GIGYF2: variants seen among roughly 807,000 people sequenced by gnomAD.
GIGYF2 encodes the protein GRB10 interacting GYF protein 2, also known as GRB10-interacting GYF protein 2.
In GIGYF2, 25 loss-of-function variants were observed where a neutral mutation model predicts 208.1. The observed-to-expected ratio is 0.12, with a 90% CI of 0.09 to 0.17. GIGYF2 has a LOEUF of 0.17. Ranked by LOEUF, GIGYF2 falls within the 10% of genes least tolerant of loss-of-function variation. The pLI is 1.00. For missense variants in GIGYF2, 1,302 were observed against 1,579.4 expected, an observed-to-expected ratio of 0.82 and a Z score of 2.98; for synonymous variants, 534 against 543.8, an observed-to-expected ratio of 0.98 and a Z score of 0.25.
chr2:232,761,465 TA>T, intron 8 of GIGYF2, 29 bp downstream of exon 8: 1 of 1,404,124 alleles, frequency 7.1e-7, no homozygotes. Flanking sequence ...CACATAAGGA[TA>T]AATTTATTAA....
intron 23 of GIGYF2, among the ~76,000 whole-genome samples, chr2:232,841,444 T>TG (rs1454416070): frequency 1.4e-5 from 2 of 147,552 alleles, no homozygotes; most frequent in African/African-American, 2.5e-5. Flanking sequence ...TACAGGCACT[T>TG]GCCACCACCA....
chr2:232,838,797 TA>T (rs1170656471), intron 22 of GIGYF2, among the ~76,000 whole-genome samples: 1 of 152,104 alleles, frequency 6.6e-6, no homozygotes, highest in Non-Finnish European at 1.5e-5. Context: ...CAGTCTTTGT[TA>T]ACTTCCCTCT....
chr2:232,737,625 C>T (rs1420889832), intron 3 of GIGYF2, among the ~76,000 whole-genome samples: 1 of 152,086 alleles, frequency 6.6e-6, no homozygotes, highest in African/African-American at 2.4e-5. Context: ...TCACGTATGA[C>T]GTTCTTTGTG....
Position 232,806,302 on chromosome 2 carries a change from A to G in GIGYF2, c.1640-189A>G, listed in dbSNP as rs1212046558. 6.6e-6 allele frequency among the ~76,000 whole-genome samples: 1 copy of G among 152,232 alleles called. No homozygotes were observed. Among genetic ancestry groups the G allele is most frequent in the Non-Finnish European group, 1.5e-5 (1 of 68,038 alleles). ...CTGATAATTTGGGATGTATAAACAC[A>G]GACTTTATTTAAAAATTATTTTAGT... On this transcript the variant is annotated intron_variant, in intron 14 of 28. Coordinates refer to ENST00000373563, the MANE Select transcript of GIGYF2 (RefSeq NM_001103146.3). This position sits in a 1 kb window ranked among gnomAD's most constrained non-coding sequence, Gnocchi z 4.0.
intron 6 of GIGYF2, among the ~76,000 whole-genome samples, chr2:232,757,546 A>G (rs893945409): frequency 6.6e-6 from 1 of 152,088 alleles, no homozygotes; most frequent in African/African-American, 2.4e-5. Flanking sequence ...TCTTGGTGGC[A>G]TGGTGGTGGT....
At chr2:232,843,145 GT>G (rs1701874539) in intron 23 of GIGYF2, 1 of 108,884 alleles carries the variant, frequency 9.2e-6, no homozygotes, top group Non-Finnish European at 1.9e-5. Flanking sequence ...GTGTGTGTGT[GT>G]GTGTGTGTGT....
intron 5 of GIGYF2, 77 bp from the exon 6 acceptor site, chr2:232,756,144 CAT>C (rs1221745323): frequency 2.5e-6 from 2 of 790,560 alleles, no homozygotes; most frequent in Admixed American, 2.5e-5. Context: ...GGAGAAGCAA[CAT>C]GTAGTTTTAT....
chr2:232,730,045 C>G (rs556563575), intron 2 of GIGYF2: 2 of 884,016 alleles, frequency 2.3e-6, no homozygotes, highest in East Asian at 4.8e-5. Flanking sequence ...CAACGAAGGG[C>G]ATAACACAAG....
At chr2:232,747,448 C>T (rs144604633) in intron 3 of GIGYF2, among the ~76,000 whole-genome samples, 167 bp from the exon 4 acceptor site, 46 of 152,218 alleles carry the variant, frequency 3.0e-4, no homozygotes, top group Middle Eastern at 6.8e-3. Context: ...GCCCTTTTAG[C>T]GTGCCATGAC....
At chr2:232,794,506 T>C (rs1199576698) in intron 12 of GIGYF2, among the ~76,000 whole-genome samples, 1 of 152,186 alleles carries the variant, frequency 6.6e-6, no homozygotes, top group Non-Finnish European at 1.5e-5. Flanking sequence ...GTGACACAGG[T>C]AAGCCCTGGA....
chr2:232,774,662 A>C (rs993272462), intron 8 of GIGYF2, among the ~76,000 whole-genome samples: 2 of 152,198 alleles, frequency 1.3e-5, no homozygotes, highest in Non-Finnish European at 1.5e-5. Flanking sequence ...GTCATTCTCC[A>C]CTGTTGTTGC....
intron 12 of GIGYF2, among the ~76,000 whole-genome samples, chr2:232,793,212 A>G (rs1358250910): frequency 6.6e-6 from 1 of 152,126 alleles, no homozygotes; most frequent in East Asian, 1.9e-4. Context: ...ATATTGGGAA[A>G]CGTAGTTAGA....
chr2:232,797,375 T>A (rs1700254031), intron 14 of GIGYF2, among the ~76,000 whole-genome samples: 1 of 152,094 alleles, frequency 6.6e-6, no homozygotes, highest in African/African-American at 2.4e-5. Flanking sequence ...TTAACTCCCC[T>A]TGCACTCTCA....
chr2:232,830,392 C>A (rs568492798), intron 21 of GIGYF2, among the ~76,000 whole-genome samples: 16 of 152,202 alleles, frequency 1.1e-4, no homozygotes, highest in African/African-American at 3.6e-4. Flanking sequence ...TTATAAGAAA[C>A]TAGAACCCCC....
intron 9 of GIGYF2, chr2:232,788,701 A>G: frequency 2.9e-6 from 1 of 340,656 alleles, no homozygotes. Context: ...GAATTTGGTT[A>G]TATATTATCT....
chr2:232,823,072 A>G (rs1291476732), intron 21 of GIGYF2, among the ~76,000 whole-genome samples: 1 of 152,116 alleles, frequency 6.6e-6, no homozygotes, highest in Non-Finnish European at 1.5e-5. Context: ...TGAGGTTGTA[A>G]AATGCTTTAT....
rs749813327 is a variant in GIGYF2 at position 232,847,514 on chromosome 2, GCCA to G, written c.3629_3631del (p.Pro1210del). 31 of 1,376,506 alleles carry G rather than the reference GCCA, an allele frequency of 2.3e-5. No individual in the cohort carries two copies. The highest frequency in any genetic ancestry group is 7.1e-5 in the East Asian group (3 of 42,476). The allele number at this position is 1,376,506 out of a possible 1,614,324, so 85.3% of individuals were successfully genotyped here. On this transcript the variant is annotated inframe_deletion, in exon 27 of 29. Transcript: ENST00000373563. ...ACCAGCAGCGTCAGCAGCAGCAGCT[GCCA>G]CAGCAGCAGCAGCAGCAGCCGCCAC...
rs1481239025 is a variant in GIGYF2 at position 232,843,941 on chromosome 2, T to C, written c.2890-105T>C. ...GCAGAATTTAATCCCATCAAGTTAA[T>C]TTTATGTAGCTACTGTGTATTTACA... is the stretch of plus-strand genomic sequence containing the variant. On this transcript the variant is annotated intron_variant, in intron 23 of 28. Transcript: ENST00000373563. 5 of 999,028 alleles carry C rather than the reference T, an allele frequency of 5.0e-6. No homozygotes were observed. In the Admixed American group the frequency reaches 9.0e-5, roughly 18 times the overall value. 61.9% of individuals were successfully genotyped at this position (999,028 alleles called of 1,614,324 possible).
chr2:232,733,451 A>T (rs1268828185), intron 2 of GIGYF2, among the ~76,000 whole-genome samples: 1 of 152,124 alleles, frequency 6.6e-6, no homozygotes, highest in African/African-American at 2.4e-5. Context: ...TGAATAGCTG[A>T]TTATGAAGGT....
Sources: gnomAD v4.1 joint callset for allele counts (sites outside exome capture counted in the v4.1 genomes callset) on GRCh38, gnomAD v4.1.1 for gene constraint, Gnocchi (gnomAD v3.1) non-coding constraint, MANE v1.5 for transcripts, NCBI Gene and HGNC (gene_info 2026-07-23, HGNC 2026-07-21) for gene names.